The following VAC14 variants were observed in gnomAD, a reference collection of about 807,000 sequenced individuals.
VAC14 encodes the protein protein VAC14 homolog.
Under a neutral mutation model 85.3 loss-of-function variants are expected in VAC14, and 47 were observed. The observed-to-expected ratio is 0.55, with a 90% CI of 0.44 to 0.70. VAC14 has a LOEUF of 0.70. VAC14 is among the 30% of genes least tolerant of loss of function. The probability of loss-of-function intolerance (pLI) is 0.00; values close to 1 mark genes in which losing one functional copy is unlikely to be tolerated. For missense variants in VAC14, 861 were observed against 1,004.3 expected (o/e 0.86, Z 1.93); for synonymous variants, 447 against 430.5 (o/e 1.04, Z -0.47).
chr16:70,780,783 C>T lies in VAC14; in HGVS notation c.1096+7G>A. 6.3e-7 allele frequency: 1 copy of T among 1,585,832 alleles called. No homozygotes were observed. The highest frequency in any genetic ancestry group is 8.6e-7 in the Non-Finnish European group (1 of 1,163,846). ...GGAGGTGAGGTGTAGGGACGGAGTC[C>T]ACTCACCACTGGCTGTGCCCTCCTG... On this transcript the variant is annotated splice_region_variant and intron_variant, in intron 9 of 18. Transcript: ENST00000261776.
chr16:70,770,776 C>T (rs901254311), intron 10 of VAC14: 11 of 152,226 alleles, frequency 7.2e-5, no homozygotes, highest in African/African-American at 2.7e-4. Flanking sequence ...CACTGGAACG[C>T]GTGGCAGCTA....
chr16:70,729,662 C>A (rs898675408), intron 14 of VAC14, among the ~76,000 whole-genome samples: 56 of 152,054 alleles, frequency 3.7e-4, no homozygotes, highest in African/African-American at 1.3e-3. Flanking sequence ...CTGGCTTCTC[C>A]TTCTTTCCCC....
chr16:70,759,550 C>A (rs1196301203), intron 12 of VAC14, among the ~76,000 whole-genome samples: 3 of 152,226 alleles, frequency 2.0e-5, no homozygotes, highest in Admixed American at 6.5e-5. Context: ...ACTGCTTGAA[C>A]CCCGGAGGTG....
At chr16:70,727,177 CCTTT>C (rs2054453531) in intron 14 of VAC14, among the ~76,000 whole-genome samples, 1 of 152,318 alleles carries the variant, frequency 6.6e-6, no homozygotes, top group East Asian at 1.9e-4. Flanking sequence ...GAATCTCTTT[CCTTT>C]CTTTCTCAGT....
chr16:70,781,072 A>C, intron 8 of VAC14, 133 bp from the exon 9 acceptor site: 8 of 1,291,284 alleles, frequency 6.2e-6, no homozygotes, highest in Non-Finnish European at 8.6e-6. Flanking sequence ...TGGATCCCTC[A>C]CAAATGGCTT....
At chr16:70,718,517 T>C (rs2054215539) in intron 14 of VAC14, among the ~76,000 whole-genome samples, 1 of 150,204 alleles carries the variant, frequency 6.7e-6, no homozygotes, top group Admixed American at 6.7e-5. Context: ...GAGCTTGCAG[T>C]GAGACAAGAT....
chr16:70,762,658 T>A lies in VAC14; in HGVS notation c.1306-53A>T. 1 of 1,581,776 alleles carries A rather than the reference T, an allele frequency of 6.3e-7. No homozygotes were observed. Among genetic ancestry groups the A allele is most frequent in the Non-Finnish European group, 8.7e-7 (1 of 1,153,548 alleles). Reference sequence around the variant, plus strand: ...GTGAGTGCTCCCTTCGCCCCGGGACTACGTGCAGTGCAGTGTCCCGCTGGT... The same window carrying A: ...GTGAGTGCTCCCTTCGCCCCGGGACAACGTGCAGTGCAGTGTCCCGCTGGT... On this transcript the variant is annotated intron_variant, in intron 11 of 18. Coordinates refer to ENST00000261776, the MANE Select transcript of VAC14 (RefSeq NM_018052.5). This position sits in a 1 kb window ranked among gnomAD's most constrained non-coding sequence, Gnocchi z 4.1.
intron 13 of VAC14, among the ~76,000 whole-genome samples, chr16:70,743,329 C>T (rs1056379338): frequency 3.3e-5 from 5 of 152,224 alleles, no homozygotes; most frequent in South Asian, 2.1e-4. Flanking sequence ...ATCAGCAGGA[C>T]GTGAGCGGGA....
intron 14 of VAC14, among the ~76,000 whole-genome samples, chr16:70,710,337 T>TACACACACCACA (rs1458493099): frequency 6.6e-6 from 1 of 152,198 alleles, no homozygotes; most frequent in Non-Finnish European, 1.5e-5. Flanking sequence ...CTTCACCCTG[T>TACACACACCACA]GGCATGTGAC....
At chr16:70,690,664 G>T in intron 18 of VAC14, 1 of 985,666 alleles carries the variant, frequency 1.0e-6, no homozygotes, top group Non-Finnish European at 1.2e-6. Flanking sequence ...TCCAAGGCCT[G>T]CCCCGCAACT....
intron 17 of VAC14, among the ~76,000 whole-genome samples, chr16:70,693,252 T>G (rs1209055283): frequency 6.6e-6 from 1 of 152,218 alleles, no homozygotes; most frequent in African/African-American, 2.4e-5. Context: ...CTGTCTGATC[T>G]TTCCAACAGT....
At chr16:70,714,679 G>T (rs1191344850) in intron 14 of VAC14, 1 of 152,260 alleles carries the variant, frequency 6.6e-6, no homozygotes, top group Non-Finnish European at 1.5e-5. Flanking sequence ...TCCATGGCAG[G>T]GATGTCTGCG....
intron 13 of VAC14, among the ~76,000 whole-genome samples, chr16:70,740,107 C>T (rs1425182173): frequency 6.6e-6 from 1 of 151,992 alleles, no homozygotes; most frequent in East Asian, 1.9e-4. Context: ...ATTACAGGCA[C>T]GCACCACTAC....
chr16:70,724,396 T>C (rs16970459), intron 14 of VAC14, among the ~76,000 whole-genome samples: 3,129 of 152,322 alleles, frequency 0.021, 92 homozygotes, highest in African/African-American at 0.068. Flanking sequence ...GCAAGGACGC[T>C]GGTCATTTTG....
chr16:70,705,602 C>CA (rs1314244456), intron 14 of VAC14, among the ~76,000 whole-genome samples: 1 of 152,234 alleles, frequency 6.6e-6, no homozygotes, highest in East Asian at 1.9e-4. Context: ...ACCCTGGACT[C>CA]AAACCCTAGA....
intron 13 of VAC14, among the ~76,000 whole-genome samples, chr16:70,741,646 A>G (rs1217766301): frequency 6.6e-6 from 1 of 152,180 alleles, no homozygotes; most frequent in Non-Finnish European, 1.5e-5. Flanking sequence ...TTGAAGCAAG[A>G]AGTGTGACTG....
Position 70,760,502 on chromosome 16 carries a change from C to A in VAC14, c.1371+2038G>T, listed in dbSNP as rs191071299. 3.5e-3 allele frequency among the ~76,000 whole-genome samples: 539 copies of A among 152,234 alleles called. 2 individuals are homozygous for A. The highest frequency in any genetic ancestry group is 0.011 in the African/African-American group (456 of 41,522). The stretch of plus-strand genomic sequence containing the variant: ...AATGATGAAGGTCCCCAAATCCCTC[C>A]TCTAGACAGAAGGGGAAGCAGAGGC... On this transcript the variant is annotated intron_variant, in intron 12 of 18. Transcript: ENST00000261776.
chr16:70,693,346 A>AG (rs1421850133), intron 17 of VAC14, among the ~76,000 whole-genome samples: 1 of 152,156 alleles, frequency 6.6e-6, no homozygotes, highest in East Asian at 1.9e-4. Flanking sequence ...TGGTGATACG[A>AG]GGGCTCGGGG....
chr16:70,704,699 G>C (rs535717302), intron 14 of VAC14, among the ~76,000 whole-genome samples: 1 of 152,236 alleles, frequency 6.6e-6, no homozygotes, highest in African/African-American at 2.4e-5. Flanking sequence ...GGGGAGGGCA[G>C]AGCCTGGCAC....
Sources: gnomAD v4.1 joint callset for allele counts (sites outside exome capture counted in the v4.1 genomes callset) on GRCh38, gnomAD v4.1.1 for gene constraint, Gnocchi (gnomAD v3.1) non-coding constraint, MANE v1.5 for transcripts, NCBI Gene and HGNC (gene_info 2026-07-23, HGNC 2026-07-21) for gene names.